The following ZNF735 variants were observed in gnomAD, a reference collection of about 807,000 sequenced individuals.
ZNF735 encodes zinc finger protein 735.
A neutral mutation model predicts 13.4 loss-of-function variants in ZNF735; 11 were observed. The observed-to-expected ratio is 0.82, with a 90% CI of 0.52 to 1.36. The LOEUF is 1.36. Among genes scored for constraint, ZNF735 ranks in the 40% most tolerant of loss-of-function variants. The probability of loss-of-function intolerance (pLI) is 0.00; values close to 1 mark genes in which losing one functional copy is unlikely to be tolerated. For synonymous variants in ZNF735, 171 were observed against 162.6 expected, an observed-to-expected ratio of 1.05 and a Z score of -0.39; for missense variants, 500 against 484.6, an observed-to-expected ratio of 1.03 and a Z score of -0.30.
At chr7:64,207,571 G>A (rs1266590714) in intron 1 of ZNF735, among the ~76,000 whole-genome samples, 1 of 152,188 alleles carries the variant, frequency 6.6e-6, no homozygotes, top group East Asian at 1.9e-4. Context: ...CTGACACAGG[G>A]TGCAGGATTC....
At chr7:64,213,476 C>T (rs1787384504) in intron 2 of ZNF735, among the ~76,000 whole-genome samples, 1 of 152,142 alleles carries the variant, frequency 6.6e-6, no homozygotes, top group Non-Finnish European at 1.5e-5. Flanking sequence ...GCGTTGCCAA[C>T]ACCTTAGAAT....
intron 3 of ZNF735, among the ~76,000 whole-genome samples, chr7:64,216,641 T>C (rs1402609041): frequency 6.6e-6 from 1 of 152,100 alleles, no homozygotes; most frequent in East Asian, 1.9e-4. Context: ...TTTCTCACTC[T>C]GTTGCCCAGA....
At chr7:64,217,469 T>G (rs894748964) in intron 3 of ZNF735, among the ~76,000 whole-genome samples, 11 of 151,786 alleles carry the variant, frequency 7.2e-5, no homozygotes, top group East Asian at 1.9e-4. Flanking sequence ...AGGTTTTCTG[T>G]TTTTTTTAAT....
At chr7:64,207,339 C>G (rs1469291274) in intron 1 of ZNF735, 98 bp downstream of exon 1, 5 of 1,609,908 alleles carry the variant, frequency 3.1e-6, no homozygotes, top group Non-Finnish European at 4.2e-6. Context: ...GCAGTCAGCT[C>G]CGGAGTCTGA....
At chr7:64,208,233 C>T (rs79423428) in intron 1 of ZNF735, among the ~76,000 whole-genome samples, 5,440 of 138,648 alleles carry the variant, frequency 0.039, 191 homozygotes, top group East Asian at 0.17. Flanking sequence ...AGATAGTAAT[C>T]TCCAATAAAT....
intron 1 of ZNF735, among the ~76,000 whole-genome samples, chr7:64,210,690 G>A (rs1471825681): frequency 1.3e-5 from 2 of 152,168 alleles, no homozygotes; most frequent in African/African-American, 2.4e-5. Context: ...GAGTCTGATA[G>A]GGGAGGGCAG....
At chr7:64,212,216 G>C (rs181090166) in intron 1 of ZNF735, among the ~76,000 whole-genome samples, 1 of 152,052 alleles carries the variant, frequency 6.6e-6, no homozygotes, top group East Asian at 1.9e-4. Context: ...AAAGTTGAAG[G>C]CTCTTATCTT....
At chr7:64,219,189 T>C (rs752530225) in intron 3 of ZNF735, 125 bp from the exon 4 acceptor site, 13 of 1,195,938 alleles carry the variant, frequency 1.1e-5, no homozygotes, top group Non-Finnish European at 1.5e-5. Flanking sequence ...GAAGGAATTA[T>C]GGCCTGTGGT....
chr7:64,210,835 G>C (rs192568963), intron 1 of ZNF735, among the ~76,000 whole-genome samples: 245 of 152,336 alleles, frequency 1.6e-3, no homozygotes, highest in Admixed American at 3.1e-3. Context: ...CCTTGGGTGT[G>C]TGTGGTGGTA....
At chr7:64,207,203 A>T in exon 1 of ZNF735, 2 of 1,614,114 alleles carry the variant, frequency 1.2e-6, no homozygotes, top group Non-Finnish European at 8.5e-7. Flanking sequence ...CCGCAGATTT[A>T]TGGCTAAAAG....
intron 3 of ZNF735, among the ~76,000 whole-genome samples, chr7:64,215,349 C>T (rs1180613007): frequency 6.6e-6 from 1 of 152,120 alleles, no homozygotes; most frequent in Non-Finnish European, 1.5e-5. Context: ...TGAGCCACTG[C>T]ACCCGGTTCA....
chr7:64,213,468 G>A (rs986047963), intron 2 of ZNF735, among the ~76,000 whole-genome samples: 11 of 152,074 alleles, frequency 7.2e-5, no homozygotes, highest in Admixed American at 1.3e-4. Flanking sequence ...ATAAAATAGC[G>A]TTGCCAACAC....
At chr7:64,219,470 G>A (rs1787460407) in exon 4 of ZNF735, 1 of 1,613,662 alleles carries the variant, frequency 6.2e-7, no homozygotes, top group African/African-American at 1.3e-5. Context: ...GTGCACAAAG[G>A]AGGTTATAAT....
chr7:64,219,317 C>A (rs1366024696), exon 4 of ZNF735: 1 of 1,611,606 alleles, frequency 6.2e-7, no homozygotes, highest in Admixed American at 1.7e-5. Flanking sequence ...CTTTCAGTTA[C>A]ATGTTCTCAT....
In ZNF735 at chr7:64,213,900, A is replaced by G. The variant is rs909290657; in HGVS notation, c.167-113A>G. On this transcript the variant is annotated intron_variant, in intron 2 of 3. Transcript: ENST00000429565. ...CTTGCACCTGGGAAGTGGAGGTTGC[A>G]GTGAGCTGAGATCATGCCACTGCAC... 1.6e-5 allele frequency: 16 copies of G among 976,222 alleles called. No individual in the cohort carries two copies. In the African/African-American group the frequency reaches 2.0e-4, roughly 12 times the overall value. 60.5% of individuals were successfully genotyped at this position (976,222 alleles called of 1,614,324 possible).
chr7:64,207,513 A>G (rs1322839090), intron 1 of ZNF735, among the ~76,000 whole-genome samples: 3 of 152,166 alleles, frequency 2.0e-5, no homozygotes, highest in African/African-American at 4.8e-5. Flanking sequence ...CCAGCGCCTC[A>G]TCTCATCCAG....
chr7:64,209,960 C>T (rs917845115), intron 1 of ZNF735, among the ~76,000 whole-genome samples: 1 of 152,012 alleles, frequency 6.6e-6, no homozygotes, highest in African/African-American at 2.4e-5. Context: ...GTAATTTCAT[C>T]ATTTTGTATG....
intron 3 of ZNF735, among the ~76,000 whole-genome samples, chr7:64,216,627 A>G (rs1047680664): frequency 4.6e-5 from 7 of 150,734 alleles, no homozygotes; most frequent in African/African-American, 1.7e-4. Context: ...TTTTTGACAC[A>G]GGGTTTCTCA....
intron 3 of ZNF735, among the ~76,000 whole-genome samples, chr7:64,217,431 T>C (rs2116487558): frequency 6.6e-6 from 1 of 152,294 alleles, no homozygotes; most frequent in East Asian, 1.9e-4. Context: ...CATTGCAAAA[T>C]GAATTCATAT....
Sources: gnomAD v4.1 joint callset for allele counts (sites outside exome capture counted in the v4.1 genomes callset) on GRCh38, gnomAD v4.1.1 for gene constraint, MANE v1.5 for transcripts, NCBI Gene and HGNC (gene_info 2026-07-23, HGNC 2026-07-21) for gene names.